ROCK2: variants seen among roughly 807,000 people sequenced by gnomAD.
ROCK2 encodes the protein Rho associated coiled-coil containing protein kinase 2.
Under a neutral mutation model 195.1 loss-of-function variants are expected in ROCK2, and 61 were observed. That is an observed-to-expected ratio of 0.31 (90% CI 0.25 to 0.39). The LOEUF is 0.39. Ranked by LOEUF, ROCK2 falls within the 10% of genes least tolerant of loss-of-function variation. The probability of loss-of-function intolerance (pLI) is 1.00; values close to 1 mark genes in which losing one functional copy is unlikely to be tolerated. For missense variants in ROCK2, 1,109 were observed against 1,637.4 expected (o/e 0.68, Z 5.57); for synonymous variants, 504 against 545.5 (o/e 0.92, Z 1.06).
At chr2:11,332,102 T>G (rs1459273018) in intron 1 of ROCK2, among the ~76,000 whole-genome samples, 1 of 151,968 alleles carries the variant, frequency 6.6e-6, no homozygotes, top group African/African-American at 2.4e-5. Flanking sequence ...ATGATCACAC[T>G]GCGCTCCAGC....
At chr2:11,312,724 G>T (rs1572395132) in intron 1 of ROCK2, among the ~76,000 whole-genome samples, 1 of 152,034 alleles carries the variant, frequency 6.6e-6, no homozygotes, top group African/African-American at 2.4e-5. Flanking sequence ...CCAAAAACTG[G>T]AGGGAACCAA....
intron 2 of ROCK2, among the ~76,000 whole-genome samples, 165 bp downstream of exon 2, chr2:11,287,487 TAAA>T (rs1371658378): frequency 1.3e-5 from 2 of 152,190 alleles, no homozygotes; most frequent in Non-Finnish European, 2.9e-5. Context: ...GCAATTGCTT[TAAA>T]AATAAAAGTA....
intron 1 of ROCK2, among the ~76,000 whole-genome samples, chr2:11,331,072 A>G (rs956566399): frequency 6.7e-6 from 1 of 149,838 alleles, no homozygotes; most frequent in African/African-American, 2.5e-5. Context: ...AAGAAGAAAT[A>G]ATATTTTCTA....
At position 11,291,536 on chromosome 2, in the gene ROCK2, C is replaced by T. The variant is rs548024266; in HGVS notation, c.142-3800G>A. On this transcript the variant is annotated intron_variant, in intron 1 of 32. Coordinates refer to ENST00000315872, the MANE Select transcript of ROCK2 (RefSeq NM_004850.5). The stretch of plus-strand genomic sequence containing the variant: ...ACTGCACTCCAGCCTGAGCGACAGA[C>T]CAAGACTCTGTCTTAAAAAAAAAAC... Among the ~76,000 whole-genome samples the T allele has an allele frequency of 3.5e-5, 5 of 141,254 alleles. No homozygotes were observed. The East Asian group carries it at 1.1e-3, about 31-fold the overall frequency. 92.7% of individuals were successfully genotyped at this position (141,254 alleles called of 152,430 possible).
intron 3 of ROCK2, among the ~76,000 whole-genome samples, chr2:11,282,944 G>A (rs1160476886): frequency 6.6e-6 from 1 of 152,054 alleles, no homozygotes; most frequent in Non-Finnish European, 1.5e-5. Context: ...CAAAAAATGG[G>A]CCAAAGACCT....
Position 11,192,446 on chromosome 2 carries a change from T to C in ROCK2, c.3949+5A>G, listed in dbSNP as rs1390840931. ...TATCGATGGAGCAAGTAATTTATCA[T>C]TTACCTTTGCAAGGTGCTATAATCT... On this transcript the variant is annotated splice_donor_5th_base_variant and intron_variant, in intron 31 of 32. Coordinates refer to ENST00000315872, the MANE Select transcript of ROCK2 (RefSeq NM_004850.5). The surrounding 1 kb of genome is among the most constrained non-coding windows in gnomAD (Gnocchi z 5.0). The C allele has an allele frequency of 6.2e-7, 1 of 1,613,258 alleles. No individual in the cohort carries two copies. Among genetic ancestry groups the C allele is most frequent in the Non-Finnish European group, 8.5e-7 (1 of 1,179,462 alleles).
intron 1 of ROCK2, among the ~76,000 whole-genome samples, chr2:11,329,168 C>A (rs1313902262): frequency 6.6e-6 from 1 of 151,602 alleles, no homozygotes; most frequent in African/African-American, 2.4e-5. Context: ...TCTTCACTAC[C>A]TTGGTGGGGA....
chr2:11,267,244 C>G (rs1352947257), intron 3 of ROCK2, among the ~76,000 whole-genome samples: 1 of 152,076 alleles, frequency 6.6e-6, no homozygotes, highest in African/African-American at 2.4e-5. Context: ...TTTGACCAGG[C>G]TTATTTATAT....
chr2:11,211,553 T>A, intron 18 of ROCK2, 128 bp downstream of exon 18: 1 of 833,656 alleles, frequency 1.2e-6, no homozygotes, highest in Non-Finnish European at 1.8e-6. Flanking sequence ...TCCCTAATAG[T>A]TTTTTTCCCT....
chr2:11,197,270 G>A lies in ROCK2; in HGVS notation c.3358C>T (p.Arg1120Trp), dbSNP rs867731618. 6 of 1,613,904 alleles carry A rather than the reference G, an allele frequency of 3.7e-6. No individual in the cohort carries two copies. The highest frequency in any genetic ancestry group is 5.1e-6 in the Non-Finnish European group (6 of 1,179,804). Residue 1120 changes from arginine (R) to tryptophan (W), a missense_variant, in exon 27 of 33, where the codon CGG (arginine) becomes TGG (tryptophan). By Grantham distance (101) the Arg-to-Trp change is moderately radical. Around this residue, in one of 6 missense-constraint regions of ROCK2, gnomAD observed 221 missense variants for 355.1 expected, o/e 0.62. Transcript: ENST00000315872. The surrounding 1 kb of genome is among the most constrained non-coding windows in gnomAD (Gnocchi z 4.9). ...ATATGCAAGGCTTGGAGTTGTGACCGCAGCTGCTCAATGTCACTGTCTTTA... is the reference window on the plus strand; with the variant it reads ...ATATGCAAGGCTTGGAGTTGTGACCACAGCTGCTCAATGTCACTGTCTTTA... ...DSKDSDIEQLRSQLQALHIGL... is the reference protein window; with the variant it reads ...DSKDSDIEQLWSQLQALHIGL...
At chr2:11,191,025 G>A (rs1167062275) in intron 32 of ROCK2, among the ~76,000 whole-genome samples, 1 of 152,208 alleles carries the variant, frequency 6.6e-6, no homozygotes, top group East Asian at 1.9e-4. Context: ...ATTTCCTTGA[G>A]AGATTAGTTT....
At chr2:11,193,343 T>C (rs540923185) in intron 30 of ROCK2, among the ~76,000 whole-genome samples, 1 of 152,056 alleles carries the variant, frequency 6.6e-6, no homozygotes, top group Non-Finnish European at 1.5e-5. Context: ...AAAATGGAAG[T>C]AGTAAAGGGA....
intron 1 of ROCK2, among the ~76,000 whole-genome samples, chr2:11,313,192 G>T (rs1668089486): frequency 6.6e-6 from 1 of 152,018 alleles, no homozygotes; most frequent in Non-Finnish European, 1.5e-5. Context: ...ACTAAGGTAC[G>T]ATGTTAATAA....
Position 11,344,224 on chromosome 2 carries a change from G to A in ROCK2, c.-88C>T. On this transcript the variant is annotated 5_prime_UTR_variant, in exon 1 of 33. Coordinates refer to ENST00000315872, the MANE Select transcript of ROCK2 (RefSeq NM_004850.5). The surrounding 1 kb of genome is among the most constrained non-coding windows in gnomAD (Gnocchi z 5.4). ...GCACCGCCCCCGAACCACCAGCTCC[G>A]GCCGGGACTCCACCCGGGCCCACCG... 3.0e-6 allele frequency: 4 copies of A among 1,324,008 alleles called. No homozygotes were observed. Among genetic ancestry groups the A allele is most frequent in the South Asian group, 4.1e-5 (2 of 49,108 alleles). The allele number at this position is 1,324,008 out of a possible 1,614,324, so 82.0% of individuals were successfully genotyped here.
Position 11,344,313 on chromosome 2 carries a change from GCCCGCCCGGC to G in ROCK2, c.-187_-178del, listed in dbSNP as rs1558411589. ...CCCCGCCTGGGGGCTGCTCCCAGGG[GCCCGCCCGGC>G]CCAGCCCGGCCCAGCCCGGCCCGGC... is the stretch of plus-strand genomic sequence containing the variant. On this transcript the variant is annotated 5_prime_UTR_variant, in exon 1 of 33. Coordinates refer to ENST00000315872, the MANE Select transcript of ROCK2 (RefSeq NM_004850.5). This position sits in a 1 kb window ranked among gnomAD's most constrained non-coding sequence, Gnocchi z 5.4. The G allele has an allele frequency of 2.0e-5, 24 of 1,213,952 alleles. No homozygotes were observed. Among genetic ancestry groups the G allele is most frequent in the East Asian group, 1.0e-4 (3 of 29,052 alleles). 75.2% of individuals were successfully genotyped at this position (1,213,952 alleles called of 1,614,324 possible). A position where few individuals can be genotyped will look rare whatever the true frequency, so the allele number is the denominator to read the frequency against.
chr2:11,249,923 G>T, intron 3 of ROCK2, 125 bp from the exon 4 acceptor site: 1 of 658,210 alleles, frequency 1.5e-6, no homozygotes. Context: ...CTAATAAAAA[G>T]TAAAAGCAAA....
At chr2:11,302,713 T>C (rs950307072) in intron 1 of ROCK2, among the ~76,000 whole-genome samples, 1 of 152,212 alleles carries the variant, frequency 6.6e-6, no homozygotes, top group African/African-American at 2.4e-5. Flanking sequence ...GACTTAGTAC[T>C]AATAAGAATA....
chr2:11,245,299 A>G (rs1665574904), intron 4 of ROCK2, among the ~76,000 whole-genome samples: 1 of 150,708 alleles, frequency 6.6e-6, no homozygotes, highest in Admixed American at 6.6e-5. Context: ...GGCTTAATGT[A>G]TAAGGAATAT....
At position 11,192,112 on chromosome 2, in the gene ROCK2, C is replaced by T; in HGVS notation, c.4163+36G>A. 1.8e-6 allele frequency: 2 copies of T among 1,121,244 alleles called. No homozygotes were observed. Among genetic ancestry groups the T allele is most frequent in the Middle Eastern group, 2.5e-4 (1 of 4,014 alleles). The allele number at this position is 1,121,244 out of a possible 1,614,324, so 69.5% of individuals were successfully genotyped here. A position where few individuals can be genotyped will look rare whatever the true frequency, so the allele number is the denominator to read the frequency against. On this transcript the variant is annotated intron_variant, in intron 32 of 32. Coordinates refer to ENST00000315872, the MANE Select transcript of ROCK2 (RefSeq NM_004850.5). This position sits in a 1 kb window ranked among gnomAD's most constrained non-coding sequence, Gnocchi z 5.0. ...ATAAATAGCAAAATATTTTAATAGA[C>T]TTTTTTTTTTTCCTTACCACATTTT...
Sources: gnomAD v4.1 joint callset for allele counts (sites outside exome capture counted in the v4.1 genomes callset) on GRCh38, gnomAD v4.1.1 for gene constraint, gnomAD v4.1.1 regional missense constraint, Gnocchi (gnomAD v3.1) non-coding constraint, MANE v1.5 for transcripts, NCBI Gene and HGNC (gene_info 2026-07-23, HGNC 2026-07-21) for gene names.